Variants in NCK1 observed in about 807,000 individuals in gnomAD.
NCK1 encodes the protein SH2/SH3 adapter protein NCK1.
In NCK1, 19 loss-of-function variants were observed where a neutral mutation model predicts 36.6. The ratio of observed to expected loss-of-function variants is 0.52; its 90% confidence interval spans 0.36 to 0.76. The LOEUF is 0.76. NCK1 is among the 30% of genes least tolerant of loss of function. The pLI is 0.00. For missense variants in NCK1, 358 were observed against 445.6 expected, an observed-to-expected ratio of 0.80 and a Z score of 1.77; for synonymous variants, 165 against 156.0, an observed-to-expected ratio of 1.06 and a Z score of -0.43.
chr3:136,896,962 T>C (rs924455918), intron 1 of NCK1, among the ~76,000 whole-genome samples: 1 of 152,254 alleles, frequency 6.6e-6, no homozygotes, highest in Non-Finnish European at 1.5e-5. Flanking sequence ...TAGTTCTGTT[T>C]TCAATTTTTT....
intron 3 of NCK1, chr3:136,946,980 CCTTT>C (rs1249658092): frequency 1.3e-5 from 2 of 151,124 alleles, no homozygotes; most frequent in East Asian, 2.0e-4. Flanking sequence ...TTAAAAATGG[CCTTT>C]CTTTTTCCTT....
At chr3:136,921,350 G>A (rs1576978562) in intron 1 of NCK1, among the ~76,000 whole-genome samples, 1 of 152,316 alleles carries the variant, frequency 6.6e-6, no homozygotes, top group South Asian at 2.1e-4. Flanking sequence ...AAAATGAAGG[G>A]TAAAGCAAGA....
At chr3:136,888,102 G>A (rs1429876517) in intron 1 of NCK1, among the ~76,000 whole-genome samples, 2 of 151,848 alleles carry the variant, frequency 1.3e-5, no homozygotes, top group Non-Finnish European at 2.9e-5. Context: ...CTGCCAGCAC[G>A]CCTGGCTAAT....
intron 1 of NCK1, among the ~76,000 whole-genome samples, chr3:136,906,104 G>A (rs1939677770): frequency 6.6e-6 from 1 of 152,070 alleles, no homozygotes; most frequent in Non-Finnish European, 1.5e-5. Flanking sequence ...TCCTGAAGAT[G>A]TATTTGTGGT....
rs578010248 is a variant in NCK1, at chr3:136,886,537, C to CT, written c.-19+24194dup. Among the ~76,000 whole-genome samples, 75 of 148,498 alleles carry CT rather than the reference C, an allele frequency of 5.1e-4. 1 individual carries two copies. In the South Asian group the frequency reaches 9.2e-3, roughly 18 times the overall value. ...CGTCTGTATATGTTTAGTACAGGTG[C>CT]TTTTTTTTTTCCTGAATGTTTTAAA... On this transcript the variant is annotated intron_variant, in intron 1 of 3. Transcript: ENST00000481752.
chr3:136,914,926 G>A (rs1029474980), intron 1 of NCK1, among the ~76,000 whole-genome samples: 1 of 152,128 alleles, frequency 6.6e-6, no homozygotes, highest in Non-Finnish European at 1.5e-5. Context: ...GTGGGAGCCA[G>A]TTGTTAAAAA....
Position 136,866,192 on chromosome 3 carries a change from T to A in NCK1, c.-19+3839T>A, listed in dbSNP as rs573567820. 8.1e-4 allele frequency among the ~76,000 whole-genome samples: 123 copies of A among 152,350 alleles called. 1 individual carries two copies. The highest frequency in any genetic ancestry group is 2.8e-3 in the African/African-American group (118 of 41,582). On this transcript the variant is annotated intron_variant, in intron 1 of 3. Coordinates refer to ENST00000481752, the MANE Select transcript of NCK1 (RefSeq NM_001291999.2). ...CCAGCACTATTTCTTTCTTTTTTTT[T>A]AATCAGTGCCAGCACTATTTCTTTA...
At chr3:136,927,815 G>A (rs866836969) in intron 1 of NCK1, among the ~76,000 whole-genome samples, 169 bp from the exon 2 acceptor site, 3 of 152,140 alleles carry the variant, frequency 2.0e-5, no homozygotes, top group Non-Finnish European at 2.9e-5. Context: ...CACTGCGCAC[G>A]GCCATACAGT....
chr3:136,896,966 A>G (rs186513637), intron 1 of NCK1, among the ~76,000 whole-genome samples: 48 of 152,262 alleles, frequency 3.2e-4, no homozygotes, highest in Non-Finnish European at 5.9e-4. Flanking sequence ...TCTGTTTTCA[A>G]TTTTTTGAGA....
At chr3:136,928,397 T>TGTTA (rs1184621304) in intron 2 of NCK1, 170 bp downstream of exon 2, 1 of 627,960 alleles carries the variant, frequency 1.6e-6, no homozygotes, top group East Asian at 2.8e-5. Flanking sequence ...AGGTCATAAG[T>TGTTA]GTTAACATGC....
intron 1 of NCK1, among the ~76,000 whole-genome samples, chr3:136,915,213 G>A (rs569067484): frequency 1.3e-5 from 2 of 152,250 alleles, no homozygotes; most frequent in African/African-American, 4.8e-5. Context: ...ACTACTAAGG[G>A]GTAGTAGTAG....
intron 1 of NCK1, among the ~76,000 whole-genome samples, chr3:136,875,911 C>A (rs1191174837): frequency 6.6e-6 from 1 of 151,844 alleles, no homozygotes; most frequent in African/African-American, 2.4e-5. Context: ...AAGTAAAGCT[C>A]TCCTCAGCAA....
intron 1 of NCK1, among the ~76,000 whole-genome samples, chr3:136,885,947 G>A (rs1318337247): frequency 6.6e-6 from 1 of 152,154 alleles, no homozygotes; most frequent in South Asian, 2.1e-4. Flanking sequence ...TTTAATAGGA[G>A]TTTTCTGATC....
chr3:136,899,826 A>C, intron 1 of NCK1: 3 of 1,484,548 alleles, frequency 2.0e-6, no homozygotes, highest in Non-Finnish European at 2.8e-6. Flanking sequence ...AGCTAGTGCA[A>C]CTTCTAAGTC....
intron 1 of NCK1, among the ~76,000 whole-genome samples, chr3:136,917,987 A>G (rs1346219790): frequency 6.6e-6 from 1 of 152,108 alleles, no homozygotes; most frequent in African/African-American, 2.4e-5. Context: ...CCTGTTTTAT[A>G]CCTGACACCT....
chr3:136,909,554 A>C (rs1037673760), intron 1 of NCK1, among the ~76,000 whole-genome samples: 9 of 152,164 alleles, frequency 5.9e-5, no homozygotes, highest in Admixed American at 5.2e-4. Context: ...TCCCATGTGC[A>C]CTTGAGAAGA....
intron 1 of NCK1, chr3:136,889,288 C>T (rs565771147): frequency 1.8e-4 from 32 of 176,274 alleles, no homozygotes; most frequent in Non-Finnish European, 2.7e-4. Context: ...AGAATGAAGC[C>T]GCGGACCCTC....
At chr3:136,867,086 T>C (rs1938447109) in intron 1 of NCK1, among the ~76,000 whole-genome samples, 1 of 9,796 alleles carries the variant, frequency 1.0e-4, no homozygotes, top group Non-Finnish European at 2.3e-4. Context: ...CTTTCTTTCT[T>C]TCTTTCTTTC....
chr3:136,867,117 TTTG>T lies in NCK1; in HGVS notation c.-19+4767_-19+4769del, dbSNP rs1293899822. ...CTTTCTTTCTTTCTTTCTTTCTTTC[TTTG>T]TTTCTTTCTTTCCTTCCTTCCTTCC... On this transcript the variant is annotated intron_variant, in intron 1 of 3. Transcript: ENST00000481752. Among the ~76,000 whole-genome samples, 23 of 27,012 alleles carry T rather than the reference TTTG, an allele frequency of 8.5e-4. 4 individuals carry two copies. The highest frequency in any genetic ancestry group is 3.1e-3 in the African/African-American group (23 of 7,524). 17.7% of individuals were successfully genotyped at this position (27,012 alleles called of 152,430 possible). A position where few individuals can be genotyped will look rare whatever the true frequency, so the allele number is the denominator to read the frequency against.
Sources: allele counts gnomAD v4.1 joint callset (sites outside exome capture counted in the v4.1 genomes callset), GRCh38; gene constraint gnomAD v4.1.1; transcripts MANE v1.5; gene names NCBI Gene and HGNC (gene_info 2026-07-23, HGNC 2026-07-21).